Variants in NT5C2 observed in about 807,000 individuals in gnomAD.
NT5C2 encodes 5'-nucleotidase, cytosolic II.
In NT5C2, 58 loss-of-function variants were observed where a neutral mutation model predicts 76.1. The observed-to-expected ratio is 0.76, with a 90% CI of 0.62 to 0.95. The LOEUF (loss-of-function observed/expected upper bound fraction) is 0.95, where lower values mean the gene tolerates loss of function less well. Ranked by LOEUF, NT5C2 falls within the 40% of genes least tolerant of loss-of-function variation. The probability of loss-of-function intolerance (pLI) is 0.00; values close to 1 mark genes in which losing one functional copy is unlikely to be tolerated. For missense variants in NT5C2, 478 were observed against 690.3 expected, an observed-to-expected ratio of 0.69 and a Z score of 3.45; for synonymous variants, 229 against 237.4, an observed-to-expected ratio of 0.96 and a Z score of 0.32.
At chr10:103,191,418 TA>T (rs1013232019) in intron 1 of NT5C2, among the ~76,000 whole-genome samples, 58 of 143,824 alleles carry the variant, frequency 4.0e-4, no homozygotes, top group African/African-American at 1.2e-3. Flanking sequence ...AGGAAATACT[TA>T]AAAAAAAAAA....
chr10:103,105,992 C>T (rs1229991682), intron 5 of NT5C2, among the ~76,000 whole-genome samples, 191 bp from the exon 6 acceptor site: 6 of 152,078 alleles, frequency 3.9e-5, no homozygotes, highest in Admixed American at 1.3e-4. Context: ...ATATTGACTC[C>T]GTCCAGACAG....
chr10:103,127,216 G>T (rs1210709915), intron 4 of NT5C2, among the ~76,000 whole-genome samples: 2 of 152,198 alleles, frequency 1.3e-5, no homozygotes, highest in Non-Finnish European at 2.9e-5. Flanking sequence ...GACATAAGGA[G>T]CTAAATACAA....
At chr10:103,127,444 T>A (rs1201664401) in intron 4 of NT5C2, among the ~76,000 whole-genome samples, 2 of 152,132 alleles carry the variant, frequency 1.3e-5, no homozygotes, top group African/African-American at 2.4e-5. Context: ...CTCTGAAAAA[T>A]ATTTGTGGCA....
chr10:103,101,191 C>T (rs1423015778), intron 7 of NT5C2, 44 bp downstream of exon 7: 1 of 1,431,008 alleles, frequency 7.0e-7, no homozygotes, highest in East Asian at 2.3e-5. Context: ...CTAATGGTCA[C>T]AGAAGGGAAA....
intron 3 of NT5C2, among the ~76,000 whole-genome samples, chr10:103,154,734 A>C (rs12414232): frequency 6.6e-6 from 1 of 151,954 alleles, no homozygotes. Flanking sequence ...AATATATCTC[A>C]TGGGAAATAC....
intron 4 of NT5C2, among the ~76,000 whole-genome samples, chr10:103,123,478 G>A (rs1193970991): frequency 6.6e-6 from 1 of 152,108 alleles, no homozygotes; most frequent in African/African-American, 2.4e-5. Context: ...GCCTCCCAAA[G>A]CACTGGGATT....
rs549531396 is a variant in NT5C2, at chr10:103,089,554, C to T, written c.*118G>A. The T allele has an allele frequency of 2.7e-5, 39 of 1,418,218 alleles. No homozygotes were observed. The highest frequency in any genetic ancestry group is 2.7e-4 in the African/African-American group (19 of 69,314). 87.9% of individuals were successfully genotyped at this position (1,418,218 alleles called of 1,614,324 possible). ...ATAAAATCTTCAGAAACTTTTCAGA[C>T]GTACCTTTCATGGAGCCCCCTCCCT... is the stretch of plus-strand genomic sequence containing the variant. On this transcript the variant is annotated 3_prime_UTR_variant, in exon 19 of 19. Coordinates refer to ENST00000404739, the MANE Select transcript of NT5C2 (RefSeq NM_001351169.2).
chr10:103,127,533 A>G (rs1472378959), intron 4 of NT5C2, among the ~76,000 whole-genome samples: 1 of 152,218 alleles, frequency 6.6e-6, no homozygotes, highest in Non-Finnish European at 1.5e-5. Flanking sequence ...TATGTGACAC[A>G]CTTCATTGGG....
chr10:103,183,270 T>TG (rs1481171791), intron 1 of NT5C2, among the ~76,000 whole-genome samples: 3 of 117,058 alleles, frequency 2.6e-5, no homozygotes, highest in Non-Finnish European at 5.2e-5. Context: ...GTGATATATA[T>TG]ATATATATAT....
At chr10:103,184,960 T>A (rs996453891) in intron 1 of NT5C2, among the ~76,000 whole-genome samples, 1 of 152,042 alleles carries the variant, frequency 6.6e-6, no homozygotes, top group Non-Finnish European at 1.5e-5. Context: ...AACTAGAAAC[T>A]ACAAATTTAT....
rs1399973391 is a variant in NT5C2, at chr10:103,153,394, C to T, written c.102-13915G>A. 8.5e-6 allele frequency: 10 copies of T among 1,175,540 alleles called. No homozygotes were observed. The East Asian group carries it at 6.7e-4, about 78-fold the overall frequency. The allele number at this position is 1,175,540 out of a possible 1,614,324, so 72.8% of individuals were successfully genotyped here. A position where few individuals can be genotyped will look rare whatever the true frequency, so the allele number is the denominator to read the frequency against. On this transcript the variant is annotated intron_variant, in intron 3 of 18. Transcript: ENST00000404739. ...GAGAACTGTAGCTCATTTGTTAAAG[C>T]ACAGAGAACTCAGGCCCTGAGAGGC...
At chr10:103,172,826 T>A (rs2088575037) in intron 3 of NT5C2, among the ~76,000 whole-genome samples, 1 of 151,918 alleles carries the variant, frequency 6.6e-6, no homozygotes, top group Non-Finnish European at 1.5e-5. Context: ...CAGAATGAAC[T>A]CTGTCTCAAA....
At chr10:103,118,610 TC>T in intron 4 of NT5C2, among the ~76,000 whole-genome samples, 1 of 152,234 alleles carries the variant, frequency 6.6e-6, no homozygotes, top group South Asian at 2.1e-4. Context: ...TGCCTCGGCC[TC>T]CCAAAGTGCT....
intron 4 of NT5C2, chr10:103,125,358 G>A (rs2076466834): frequency 2.9e-6 from 1 of 339,924 alleles, no homozygotes; most frequent in Admixed American, 4.3e-5. Flanking sequence ...GCGTTTGCCT[G>A]TCTTTTCGAC....
chr10:103,163,009 T>G (rs1459826910), intron 3 of NT5C2, among the ~76,000 whole-genome samples: 3 of 152,190 alleles, frequency 2.0e-5, no homozygotes. Context: ...TCACTACAGT[T>G]TTGTCTTTGA....
intron 10 of NT5C2, 167 bp downstream of exon 10, chr10:103,098,762 TAC>T: frequency 1.8e-6 from 1 of 567,840 alleles, no homozygotes; most frequent in Non-Finnish European, 3.1e-6. Flanking sequence ...GGAAAAACTC[TAC>T]TAAGACCTAT....
intron 8 of NT5C2, 181 bp downstream of exon 8, chr10:103,100,864 G>T (rs1483295638): frequency 2.9e-6 from 2 of 691,022 alleles, no homozygotes; most frequent in African/African-American, 3.5e-5. Context: ...CGTGTGGGAG[G>T]TGAGAGCCTG....
chr10:103,170,619 C>T (rs190805534), intron 3 of NT5C2, among the ~76,000 whole-genome samples: 18 of 150,238 alleles, frequency 1.2e-4, no homozygotes, highest in Admixed American at 9.4e-4. Context: ...ACCTCTCAGA[C>T]GCAGGTGATC....
intron 3 of NT5C2, among the ~76,000 whole-genome samples, chr10:103,161,735 AT>A (rs1327301661): frequency 6.6e-5 from 10 of 152,280 alleles, no homozygotes; most frequent in South Asian, 4.1e-4. Flanking sequence ...TAAAAAAAAA[AT>A]AATGAAAAAA....
Sources: gnomAD v4.1 joint callset for allele counts (sites outside exome capture counted in the v4.1 genomes callset) on GRCh38, gnomAD v4.1.1 for gene constraint, MANE v1.5 for transcripts, NCBI Gene and HGNC (gene_info 2026-07-23, HGNC 2026-07-21) for gene names.